Variants in ATP2B2 observed in about 807,000 individuals in gnomAD.
The protein encoded by ATP2B2 is ATPase plasma membrane Ca2+ transporting 2.
ATP2B2 carries 15 observed loss-of-function variants against 120.0 expected under a neutral mutation model. That is an observed-to-expected ratio of 0.12 (90% CI 0.08 to 0.19). ATP2B2 has a LOEUF of 0.19. ATP2B2 is among the 10% of genes least tolerant of loss of function. ATP2B2 has a pLI of 1.00. For missense variants in ATP2B2, 1,045 were observed against 1,719.8 expected (o/e 0.61, Z 6.94); for synonymous variants, 694 against 700.3 (o/e 0.99, Z 0.14).
intron 2 of ATP2B2, among the ~76,000 whole-genome samples, chr3:10,610,100 CACAT>C (rs1200670169): frequency 9.9e-5 from 14 of 141,486 alleles, no homozygotes; most frequent in South Asian, 4.7e-4. Flanking sequence ...CACACACACA[CACAT>C]ATATACACAT....
At chr3:10,379,345 G>A (rs978502292) in intron 8 of ATP2B2, 61 bp from the exon 9 acceptor site, 50 of 1,563,906 alleles carry the variant, frequency 3.2e-5, no homozygotes, top group South Asian at 2.6e-4. Flanking sequence ...CGGTCATCAC[G>A]AAGACGCAAC....
chr3:10,506,651 G>A (rs150085932), upstream of ATP2B2, among the ~76,000 whole-genome samples: 146 of 145,756 alleles, frequency 1.0e-3, 2 homozygotes, highest in East Asian at 0.02. Context: ...CCTCCAGGAG[G>A]GGTACCCTGC....
chr3:10,414,566 CA>C (rs2062718892), intron 2 of ATP2B2, among the ~76,000 whole-genome samples: 1 of 152,194 alleles, frequency 6.6e-6, no homozygotes, highest in Non-Finnish European at 1.5e-5. Context: ...CCCAGTGTGG[CA>C]GATCTTCCAA....
intron 2 of ATP2B2, among the ~76,000 whole-genome samples, chr3:10,535,535 A>T (rs57231188): frequency 0.018 from 2,686 of 152,178 alleles, 83 homozygotes; most frequent in African/African-American, 0.061. Flanking sequence ...CATGCCCCTC[A>T]TCCCTAACCC....
rs1376816174 is a variant in ATP2B2, at chr3:10,327,389, A to G, written c.*1425T>C. On this transcript the variant is annotated 3_prime_UTR_variant, in exon 23 of 23. Coordinates refer to ENST00000360273, the MANE Select transcript of ATP2B2 (RefSeq NM_001001331.4). ...GAGTACATCTCAATATACACATCAT[A>G]AGGTTCATTCGGATCTAAATAGTGC... The G allele has an allele frequency of 2.0e-5, 3 of 152,712 alleles. No individual in the cohort carries two copies. Among genetic ancestry groups the G allele is most frequent in the African/African-American group, 7.2e-5 (3 of 41,466 alleles). 9.5% of individuals were successfully genotyped at this position (152,712 alleles called of 1,614,324 possible).
upstream of ATP2B2, among the ~76,000 whole-genome samples, chr3:10,508,347 G>A (rs1230971235): frequency 1.3e-5 from 2 of 152,164 alleles, no homozygotes; most frequent in African/African-American, 4.8e-5. Context: ...CACCAACTGA[G>A]TTGGTTCATG....
At chr3:10,387,830 T>C (rs567200219) in intron 6 of ATP2B2, 197 of 235,108 alleles carry the variant, frequency 8.4e-4, no homozygotes, top group African/African-American at 4.2e-3. Context: ...TCCCAGAATC[T>C]CCTCTGCCCA....
intron 1 of ATP2B2, among the ~76,000 whole-genome samples, chr3:10,498,796 T>C (rs2099640): frequency 0.55 from 83,280 of 152,040 alleles, 24,035 homozygotes; most frequent in African/African-American, 0.73. Context: ...GCTCCACCAA[T>C]CCCATATGCT....
intron 1 of ATP2B2, among the ~76,000 whole-genome samples, chr3:10,675,121 T>C (rs1456099919): frequency 6.6e-6 from 1 of 152,216 alleles, no homozygotes; most frequent in Non-Finnish European, 1.5e-5. Context: ...ATGTGGGAAG[T>C]GGGATTTGCT....
At chr3:10,354,716 G>T (rs577788690) in intron 14 of ATP2B2, among the ~76,000 whole-genome samples, 4 of 152,224 alleles carry the variant, frequency 2.6e-5, no homozygotes, top group African/African-American at 9.6e-5. Flanking sequence ...AGGCAATGTG[G>T]AGATTCAACC....
In ATP2B2 at chr3:10,350,333, C is replaced by A. The variant is rs1574979745; in HGVS notation, c.2316+65G>T. ...GGCTGGCTTCTGTACAATCATGCAG[C>A]ACCCTACCTCCCAGCTCCCATCTGA... On this transcript the variant is annotated intron_variant, in intron 15 of 22. Transcript: ENST00000360273. 8 of 1,608,308 alleles carry A rather than the reference C, an allele frequency of 5.0e-6. No homozygotes were observed. In the East Asian group the frequency reaches 1.6e-4, roughly 31 times the overall value.
chr3:10,629,031 G>C (rs983547717), intron 1 of ATP2B2, among the ~76,000 whole-genome samples: 1 of 152,218 alleles, frequency 6.6e-6, no homozygotes, highest in Non-Finnish European at 1.5e-5. Context: ...CCTGGATGAA[G>C]CTGCCTAACA....
chr3:10,511,085 G>A (rs894880832), intron 3 of ATP2B2, among the ~76,000 whole-genome samples: 6 of 152,078 alleles, frequency 3.9e-5, no homozygotes, highest in Non-Finnish European at 7.4e-5. Context: ...ACCCCACAGT[G>A]GGTCTTTGTT....
At chr3:10,538,524 C>T (rs1000338335) in intron 2 of ATP2B2, among the ~76,000 whole-genome samples, 5 of 152,158 alleles carry the variant, frequency 3.3e-5, no homozygotes, top group Non-Finnish European at 5.9e-5. Flanking sequence ...AAAGCTTATC[C>T]GCCACGATCA....
At position 10,343,060 on chromosome 3, in the gene ATP2B2, T is replaced by A; in HGVS notation, c.2704-95A>T. On this transcript the variant is annotated intron_variant, in intron 18 of 22. Transcript: ENST00000360273. The surrounding 1 kb of genome is among the most constrained non-coding windows in gnomAD (Gnocchi z 4.2). ...TGGTGTAGTGTCCGCAGGCTCCTGC[T>A]GGAGGCTGGAGTCCGACCTGCCCCT... is the stretch of plus-strand genomic sequence containing the variant. The A allele has an allele frequency of 3.8e-6, 5 of 1,318,612 alleles. No individual in the cohort carries two copies. Among genetic ancestry groups the A allele is most frequent in the Non-Finnish European group, 5.4e-6 (5 of 931,694 alleles). The allele number at this position is 1,318,612 out of a possible 1,614,324, so 81.7% of individuals were successfully genotyped here.
At chr3:10,645,013 G>A (rs1467070227) in intron 1 of ATP2B2, among the ~76,000 whole-genome samples, 1 of 152,160 alleles carries the variant, frequency 6.6e-6, no homozygotes, top group East Asian at 1.9e-4. Context: ...AATATACCAT[G>A]AAGGATTTAT....
intron 2 of ATP2B2, among the ~76,000 whole-genome samples, chr3:10,436,581 C>T (rs2063486529): frequency 6.6e-6 from 1 of 152,232 alleles, no homozygotes; most frequent in Admixed American, 6.5e-5. Context: ...CCTGCAGTTC[C>T]CCAAAGGGAC....
chr3:10,366,043 C>A (rs912365470), intron 12 of ATP2B2, among the ~76,000 whole-genome samples: 3 of 152,096 alleles, frequency 2.0e-5, no homozygotes, highest in African/African-American at 4.8e-5. Context: ...TTCACATACC[C>A]CAGGGCCCAC....
At chr3:10,345,818 GC>G (rs1205384158) in intron 17 of ATP2B2, among the ~76,000 whole-genome samples, 2 of 152,030 alleles carry the variant, frequency 1.3e-5, no homozygotes, top group Non-Finnish European at 2.9e-5. Context: ...GCCTGCAAGT[GC>G]CCCCCTTCAC....
Sources: allele counts gnomAD v4.1 joint callset (sites outside exome capture counted in the v4.1 genomes callset), GRCh38; gene constraint gnomAD v4.1.1; non-coding constraint Gnocchi (gnomAD v3.1); transcripts MANE v1.5; gene names NCBI Gene and HGNC (gene_info 2026-07-23, HGNC 2026-07-21).